Variants in TCERG1 observed in about 807,000 individuals in gnomAD.
TCERG1 encodes the protein transcription elongation regulator 1.
A neutral mutation model predicts 144.7 loss-of-function variants in TCERG1; 37 were observed. The observed-to-expected ratio is 0.26, with a 90% CI of 0.20 to 0.34. The LOEUF is 0.34. Ranked by LOEUF, TCERG1 falls within the 10% of genes least tolerant of loss-of-function variation. The pLI is 1.00. For missense variants in TCERG1, 1,027 were observed against 1,380.7 expected (o/e 0.74, Z 4.06); for synonymous variants, 492 against 458.2 (o/e 1.07, Z -0.94).
At chr5:146,498,744 A>G (rs1469818507) in intron 17 of TCERG1, 58 bp downstream of exon 17, 6 of 1,533,626 alleles carry the variant, frequency 3.9e-6, no homozygotes, top group African/African-American at 1.4e-5. Flanking sequence ...GGAAAGGTCT[A>G]TGCTGGTGTT....
chr5:146,471,945 T>C (rs555146108), intron 9 of TCERG1, among the ~76,000 whole-genome samples: 1 of 152,212 alleles, frequency 6.6e-6, no homozygotes, highest in Non-Finnish European at 1.5e-5. Context: ...ATGGTTTATT[T>C]TGTAGAAAGA....
intron 22 of TCERG1, among the ~76,000 whole-genome samples, chr5:146,509,878 TTTC>T (rs1209653713): frequency 4.6e-5 from 7 of 152,186 alleles, no homozygotes; most frequent in Admixed American, 6.5e-5. Flanking sequence ...TGCTCCAGCT[TTTC>T]TTCTTTAAGA....
chr5:146,481,154 A>C lies in TCERG1; in HGVS notation c.1891A>C (p.Met631Leu). ...EPVKAKKRKRMSKKSFMWIAR... is the reference protein window; with the variant it reads ...EPVKAKKRKRLSKKSFMWIAR... The stretch of plus-strand genomic sequence containing the variant: ...GTTTTTAACTGCTTTTATCAGGAGA[A>C]TGTCAAAGAAGTCCTTTATGTGGAT... Residue 631 changes from methionine (M) to leucine (L), a missense_variant, in exon 13 of 23, where the codon ATG becomes CTG. Physicochemically the swap from Met to Leu is conservative, Grantham distance 15 (BLOSUM62 2). Around this residue, in one of 6 missense-constraint regions of TCERG1, gnomAD observed 482 missense variants for 632.6 expected, o/e 0.76. Coordinates refer to ENST00000679501, the MANE Select transcript of TCERG1 (RefSeq NM_001382548.1). 3 of 985,280 alleles carry C rather than the reference A, an allele frequency of 3.0e-6. No homozygotes were observed. Among genetic ancestry groups the C allele is most frequent in the Non-Finnish European group, 3.6e-6 (3 of 829,840 alleles). 61.0% of individuals were successfully genotyped at this position (985,280 alleles called of 1,614,324 possible).
intron 7 of TCERG1, 119 bp from the exon 8 acceptor site, chr5:146,470,517 G>C (rs1278757350): frequency 1.3e-5 from 10 of 788,324 alleles, no homozygotes; most frequent in Non-Finnish European, 1.8e-5. Context: ...TATAAGGAAA[G>C]ACATTTTATC....
At chr5:146,497,335 T>C (rs1272192901) in intron 16 of TCERG1, among the ~76,000 whole-genome samples, 1 of 152,186 alleles carries the variant, frequency 6.6e-6, no homozygotes, top group Non-Finnish European at 1.5e-5. Context: ...TGTGCCTGGC[T>C]GGAGTCTCAC....
chr5:146,498,753 TTA>T, intron 17 of TCERG1, 67 bp downstream of exon 17: 1 of 1,507,342 alleles, frequency 6.6e-7, no homozygotes, highest in Non-Finnish European at 8.9e-7. Flanking sequence ...TATGCTGGTG[TTA>T]TGTTTCTAAC....
chr5:146,491,277 G>T (rs1303298633), intron 15 of TCERG1, among the ~76,000 whole-genome samples: 1 of 151,854 alleles, frequency 6.6e-6, no homozygotes, highest in Non-Finnish European at 1.5e-5. Flanking sequence ...GTGAGCCACT[G>T]CCCGGCCTAT....
chr5:146,503,647 T>C (rs1202014783), intron 18 of TCERG1, 108 bp downstream of exon 18: 6 of 1,425,800 alleles, frequency 4.2e-6, no homozygotes, highest in Non-Finnish European at 5.7e-6. Context: ...GGATTTTTTC[T>C]TGTTAGTATT....
chr5:146,482,535 A>G (rs954256002), intron 13 of TCERG1, 57 bp from the exon 14 acceptor site: 15 of 1,492,714 alleles, frequency 1.0e-5, no homozygotes, highest in Admixed American at 2.2e-5. Flanking sequence ...AAGATTTCTA[A>G]TAAGATCTGA....
chr5:146,495,174 C>CTT, intron 16 of TCERG1, among the ~76,000 whole-genome samples: 1 of 152,192 alleles, frequency 6.6e-6, no homozygotes, highest in South Asian at 2.1e-4. Flanking sequence ...TTTATTATCC[C>CTT]TTATCCCAAA....
chr5:146,507,048 A>G lies in TCERG1; in HGVS notation c.2802A>G (p.Ser934=). The G allele has an allele frequency of 1.9e-6, 3 of 1,599,434 alleles. No individual in the cohort carries two copies. Among genetic ancestry groups the G allele is most frequent in the Non-Finnish European group, 2.6e-6 (3 of 1,176,050 alleles). ...TTCAGGTACGTTCTTCAGATGTGTC[A>G]TGGTCTGATACTCGTAGGACCCTCC... ...LSDMVRSSDV[S]WSDTRRTLRK... is the part of the protein sequence containing the mutation. The change falls in exon 20 of 23, where the codon TCA becomes TCG. Residue 934 remains serine, a synonymous_variant. Coordinates refer to ENST00000679501, the MANE Select transcript of TCERG1 (RefSeq NM_001382548.1). The surrounding 1 kb of genome is among the most constrained non-coding windows in gnomAD (Gnocchi z 4.6).
At position 146,478,665 on chromosome 5, in the gene TCERG1, A is replaced by G. The variant is rs1012089466; in HGVS notation, c.1762+12A>G. The G allele has an allele frequency of 5.1e-6, 8 of 1,563,792 alleles. No homozygotes were observed. Among genetic ancestry groups the G allele is most frequent in the Non-Finnish European group, 6.9e-6 (8 of 1,160,866 alleles). Reference sequence around the variant, plus strand: ...ATTGAAGAAACTAAGTAAGTTTTAAATTAGGAATTTATCCACTGATTTTAA... The same window carrying G: ...ATTGAAGAAACTAAGTAAGTTTTAAGTTAGGAATTTATCCACTGATTTTAA... On this transcript the variant is annotated intron_variant, in intron 10 of 22. Transcript: ENST00000679501.
intron 17 of TCERG1, among the ~76,000 whole-genome samples, chr5:146,502,681 T>G (rs1426463785): frequency 6.6e-6 from 1 of 152,140 alleles, no homozygotes; most frequent in African/African-American, 2.4e-5. Context: ...TTTATAATGT[T>G]ATAAACATTA....
At chr5:146,475,072 A>G (rs535179915) in intron 9 of TCERG1, among the ~76,000 whole-genome samples, 3 of 152,168 alleles carry the variant, frequency 2.0e-5, no homozygotes, top group African/African-American at 7.2e-5. Context: ...TATTTAATCT[A>G]TATACAATCC....
chr5:146,498,382 C>T lies in TCERG1; in HGVS notation c.2283-154C>T, dbSNP rs184639327. On this transcript the variant is annotated intron_variant, in intron 16 of 22. Coordinates refer to ENST00000679501, the MANE Select transcript of TCERG1 (RefSeq NM_001382548.1). ...CATTTTTGCTCATTACCTCTTTTTA[C>T]TCCTTTCTGAAACTTACTGTTCACT... is the stretch of plus-strand genomic sequence containing the variant. Among the ~76,000 whole-genome samples the T allele has an allele frequency of 1.1e-4, 17 of 151,868 alleles. No individual in the cohort carries two copies. In the East Asian group the frequency reaches 3.1e-3, roughly 28 times the overall value.
chr5:146,449,252 G>T (rs1017486870), intron 1 of TCERG1, among the ~76,000 whole-genome samples: 1 of 152,170 alleles, frequency 6.6e-6, no homozygotes, highest in Non-Finnish European at 1.5e-5. Flanking sequence ...ATGAAGATAG[G>T]AGATTTAAAG....
At chr5:146,464,280 GTGA>G (rs1454365802) in intron 5 of TCERG1, among the ~76,000 whole-genome samples, 1 of 152,140 alleles carries the variant, frequency 6.6e-6, no homozygotes, top group Non-Finnish European at 1.5e-5. Context: ...TAGCTAATAA[GTGA>G]TGATGTTGAG....
intron 9 of TCERG1, 128 bp from the exon 10 acceptor site, chr5:146,478,365 A>G (rs1485542520): frequency 4.3e-6 from 4 of 933,294 alleles, no homozygotes; most frequent in Non-Finnish European, 4.4e-6. Flanking sequence ...TCTGTAAATA[A>G]CTATTGGTAA....
At position 146,469,797 on chromosome 5, in the gene TCERG1, A is replaced by C; in HGVS notation, c.1399+53A>C. The C allele has an allele frequency of 1.3e-5, 16 of 1,230,388 alleles. No homozygotes were observed. In the South Asian group the frequency reaches 3.7e-4, roughly 28 times the overall value. The allele number at this position is 1,230,388 out of a possible 1,614,324, so 76.2% of individuals were successfully genotyped here. ...AGTAGTATAAACTGTAATAAGTAGA[A>C]TGGTATTTGAAATTCTGAGTTAATT... On this transcript the variant is annotated intron_variant, in intron 7 of 22. Transcript: ENST00000679501.
Sources: allele counts gnomAD v4.1 joint callset (sites outside exome capture counted in the v4.1 genomes callset), GRCh38; gene constraint gnomAD v4.1.1; regional missense constraint gnomAD v4.1.1; non-coding constraint Gnocchi (gnomAD v3.1); transcripts MANE v1.5; gene names NCBI Gene and HGNC (gene_info 2026-07-23, HGNC 2026-07-21).